CKAP4: variants seen among roughly 807,000 people sequenced by gnomAD.
CKAP4 encodes the protein cytoskeleton-associated protein 4.
CKAP4 carries 20 observed loss-of-function variants against 24.4 expected under a neutral mutation model. The observed-to-expected ratio is 0.82, with a 90% confidence interval of 0.58 to 1.19. CKAP4 has a LOEUF of 1.19. Ranked by LOEUF, CKAP4 falls within the 50% of genes most tolerant of loss-of-function variation. The pLI is 0.00. For synonymous variants in CKAP4, 378 were observed against 351.7 expected, an observed-to-expected ratio of 1.07 and a Z score of -0.84; for missense variants, 744 against 765.3, an observed-to-expected ratio of 0.97 and a Z score of 0.33.
At position 106,247,301 on chromosome 12, in the gene CKAP4, G is replaced by A; in HGVS notation, c.483+68C>T. ...GCGCTAGGGGCCGGTCGGGAAGCACGAAGGAGCCCGGCCGTGGGTCCGGAG... is the reference window on the plus strand; with the variant it reads ...GCGCTAGGGGCCGGTCGGGAAGCACAAAGGAGCCCGGCCGTGGGTCCGGAG... On this transcript the variant is annotated intron_variant, in intron 1 of 1. Coordinates refer to ENST00000378026, the MANE Select transcript of CKAP4 (RefSeq NM_006825.4). This position sits in a 1 kb window ranked among gnomAD's most constrained non-coding sequence, Gnocchi z 4.5. 7.2e-7 allele frequency: 1 copy of A among 1,396,822 alleles called. No homozygotes were observed. The highest frequency in any genetic ancestry group is 2.3e-5 in the Admixed American group (1 of 44,388). 86.5% of individuals were successfully genotyped at this position (1,396,822 alleles called of 1,614,324 possible).
In CKAP4 at chr12:106,247,516, G is replaced by T; in HGVS notation, c.336C>A (p.Phe112Leu). Reference sequence around the variant, plus strand: ...CGGCCGCCGCCACCAGGGCGAGGTAGAAGAGAAAGTTGAGCGCCCTGCCGA... The same window carrying T: ...CGGCCGCCGCCACCAGGGCGAGGTATAAGAGAAAGTTGAGCGCCCTGCCGA... ...RRLGRALNFL[F>L]YLALVAAAAF... is the part of the protein sequence containing the mutation. Residue 112 changes from phenylalanine (F) to leucine (L), a missense_variant, in exon 1 of 2, where the codon TTC (phenylalanine) becomes TTA (leucine). Coordinates refer to ENST00000378026, the MANE Select transcript of CKAP4 (RefSeq NM_006825.4). This position sits in a 1 kb window ranked among gnomAD's most constrained non-coding sequence, Gnocchi z 4.5. The T allele has an allele frequency of 3.9e-6, 6 of 1,538,546 alleles. No individual in the cohort carries two copies. The highest frequency in any genetic ancestry group is 1.8e-4 in the Middle Eastern group (1 of 5,582).
Position 106,238,842 on chromosome 12 carries a change from C to A in CKAP4, c.*182G>T. The A allele has an allele frequency of 1.5e-6, 1 of 687,518 alleles. No individual in the cohort carries two copies. Among genetic ancestry groups the A allele is most frequent in the South Asian group, 1.9e-5 (1 of 52,810 alleles). The allele number at this position is 687,518 out of a possible 1,614,324, so 42.6% of individuals were successfully genotyped here. A position where few individuals can be genotyped will look rare whatever the true frequency, so the allele number is the denominator to read the frequency against. On this transcript the variant is annotated 3_prime_UTR_variant, in exon 2 of 2. Transcript: ENST00000378026. The stretch of plus-strand genomic sequence containing the variant: ...ACCAACCAAATGCAGAAGCAGAGAA[C>A]TTAAATATTGTAAATAAGTTAACTG...
chr12:106,243,303 C>T (rs543667427), intron 1 of CKAP4, among the ~76,000 whole-genome samples: 2 of 152,328 alleles, frequency 1.3e-5, no homozygotes, highest in African/African-American at 4.8e-5. Context: ...TAGGCTCAAA[C>T]GTTAAAATCC....
At chr12:106,240,487 TC>T in intron 1 of CKAP4, 138 bp from the exon 2 acceptor site, 1 of 951,056 alleles carries the variant, frequency 1.1e-6, no homozygotes, top group Non-Finnish European at 1.5e-6. Flanking sequence ...GAAACATCCT[TC>T]CACATATAGT....
chr12:106,239,445 G>A lies in CKAP4; in HGVS notation c.1388C>T (p.Ala463Val). The change falls in exon 2 of 2, where the codon GCA becomes GTA. Residue 463 changes from alanine to valine, a missense_variant. Physicochemically the swap from Ala to Val is moderately conservative, Grantham distance 64. Coordinates refer to ENST00000378026, the MANE Select transcript of CKAP4 (RefSeq NM_006825.4). This position sits in a 1 kb window ranked among gnomAD's most constrained non-coding sequence, Gnocchi z 4.9. The part of the protein sequence containing the change: ...GRLEGLGSSE[A>V]DQDGLASTVR... The stretch of plus-strand genomic sequence containing the variant: ...CGTGCTGGCCAGGCCATCCTGGTCT[G>A]CCTCTGAGGACCCGAGGCCTTCCAG... 2 of 1,602,662 alleles carry A rather than the reference G, an allele frequency of 1.2e-6. No individual in the cohort carries two copies. Among genetic ancestry groups the A allele is most frequent in the Non-Finnish European group, 1.7e-6 (2 of 1,179,594 alleles).
rs1592899301 is a variant in CKAP4 at position 106,247,418 on chromosome 12, G to T, written c.434C>A (p.Ser145Tyr). Reference protein sequence around the residue: ...QQVRRSHQDFSRQREELGQGL... With the variant: ...QQVRRSHQDFYRQREELGQGL... The stretch of plus-strand genomic sequence containing the variant: ...CTGGCCCAGCTCCTCCCTCTGCCGG[G>T]AGAAGTCCTGGTGGCTGCGCCGGAC... Residue 145 changes from serine (S) to tyrosine (Y), a missense_variant, in exon 1 of 2, where the codon TCC (serine) becomes TAC (tyrosine). Ser to Tyr is a moderately radical substitution (Grantham distance 144). Coordinates refer to ENST00000378026, the MANE Select transcript of CKAP4 (RefSeq NM_006825.4). This position sits in a 1 kb window ranked among gnomAD's most constrained non-coding sequence, Gnocchi z 4.5. The T allele has an allele frequency of 4.5e-6, 7 of 1,544,434 alleles. No individual in the cohort carries two copies. The highest frequency in any genetic ancestry group is 5.2e-6 in the Non-Finnish European group (6 of 1,147,272).
Position 106,247,093 on chromosome 12 carries a change from C to A in CKAP4, c.483+276G>T, listed in dbSNP as rs1397828703. 11 of 404,190 alleles carry A rather than the reference C, an allele frequency of 2.7e-5. No individual in the cohort carries two copies. Among genetic ancestry groups the A allele is most frequent in the Admixed American group, 8.9e-5 (2 of 22,454 alleles). 25.0% of individuals were successfully genotyped at this position (404,190 alleles called of 1,614,324 possible). On this transcript the variant is annotated intron_variant, in intron 1 of 1. Transcript: ENST00000378026. This position sits in a 1 kb window ranked among gnomAD's most constrained non-coding sequence, Gnocchi z 4.5. ...TGCCCTGTGACAGGCCCTTGGCCCA[C>A]CCTGCCAGGCGGGCCTGGGCATCCT... is the stretch of plus-strand genomic sequence containing the variant.
rs1474398020 is a variant in CKAP4 at position 106,247,265 on chromosome 12, C to G, written c.483+104G>C. ...GAGCGGCCGGCTCCCGCCTCCGGGC[C>G]TGGGCAGGCAGCGCTAGGGGCCGGT... On this transcript the variant is annotated intron_variant, in intron 1 of 1. Coordinates refer to ENST00000378026, the MANE Select transcript of CKAP4 (RefSeq NM_006825.4). This position sits in a 1 kb window ranked among gnomAD's most constrained non-coding sequence, Gnocchi z 4.5. 5.6e-6 allele frequency: 6 copies of G among 1,072,296 alleles called. No individual in the cohort carries two copies. The East Asian group carries it at 1.9e-4, about 33-fold the overall frequency. 66.4% of individuals were successfully genotyped at this position (1,072,296 alleles called of 1,614,324 possible).
rs2033927474 is a variant in CKAP4, at chr12:106,238,282, G to A, written c.*742C>T. ...CCCCTTTCTGGTAGTCGAAACCTGT[G>A]CATTCCTTGGTGACCTCCGGAGAGA... On this transcript the variant is annotated 3_prime_UTR_variant, in exon 2 of 2. Coordinates refer to ENST00000378026, the MANE Select transcript of CKAP4 (RefSeq NM_006825.4). The A allele has an allele frequency of 6.5e-6, 1 of 152,694 alleles. No individual in the cohort carries two copies. The highest frequency in any genetic ancestry group is 1.5e-5 in the Non-Finnish European group (1 of 68,126). 9.5% of individuals were successfully genotyped at this position (152,694 alleles called of 1,614,324 possible).
intron 1 of CKAP4, among the ~76,000 whole-genome samples, chr12:106,241,621 C>T (rs904829309): frequency 2.6e-5 from 4 of 152,214 alleles, no homozygotes; most frequent in Non-Finnish European, 5.9e-5. Context: ...GCGTGAGCCA[C>T]CGCGCCTGGC....
chr12:106,241,580 G>A lies in CKAP4; in HGVS notation c.484-1231C>T, dbSNP rs560291554. ...GATCTCCTGACCTCGTGATCCGCCC[G>A]CCTCGGCCTCCCAAAGTGCTGGGAT... is the stretch of plus-strand genomic sequence containing the variant. On this transcript the variant is annotated intron_variant, in intron 1 of 1. Coordinates refer to ENST00000378026, the MANE Select transcript of CKAP4 (RefSeq NM_006825.4). Among the ~76,000 whole-genome samples the A allele has an allele frequency of 8.4e-4, 128 of 152,156 alleles. 2 individuals are homozygous for A. In the South Asian group the frequency reaches 0.013, roughly 15 times the overall value.
intron 1 of CKAP4, 109 bp from the exon 2 acceptor site, chr12:106,240,458 AC>A: frequency 7.9e-7 from 1 of 1,266,060 alleles, no homozygotes; most frequent in Non-Finnish European, 1.1e-6. Flanking sequence ...CCAGAATGTC[AC>A]CACAATTTTC....
chr12:106,247,631 C>T lies in CKAP4; in HGVS notation c.221G>A (p.Gly74Asp). Residue 74 changes from glycine to aspartate, a missense_variant, in exon 1 of 2, where the codon GGC becomes GAC. This residue lies in a region of CKAP4 where 300 missense variants were observed against 264.5 expected (regional missense o/e 1.13). Coordinates refer to ENST00000378026, the MANE Select transcript of CKAP4 (RefSeq NM_006825.4). This position sits in a 1 kb window ranked among gnomAD's most constrained non-coding sequence, Gnocchi z 4.5. ...GGAGGAGGAGGACTTGCCGCCGCCG[C>T]CGCCGCCGCCGCGGTGGCCGCCCTT... The part of the protein sequence containing the change: ...HGKGGHRGGG[G>D]GGGKSSSSSS... 9.2e-7 allele frequency: 1 copy of T among 1,082,872 alleles called. No individual in the cohort carries two copies. The highest frequency in any genetic ancestry group is 1.2e-6 in the Non-Finnish European group (1 of 855,954). The allele number at this position is 1,082,872 out of a possible 1,614,324, so 67.1% of individuals were successfully genotyped here.
At chr12:106,240,732 C>T (rs2136534609) in intron 1 of CKAP4, among the ~76,000 whole-genome samples, 1 of 151,706 alleles carries the variant, frequency 6.6e-6, no homozygotes, top group Non-Finnish European at 1.5e-5. Flanking sequence ...CTATCAAGTC[C>T]CCATCATGCA....
Position 106,239,933 on chromosome 12 carries a change from G to A in CKAP4, c.900C>T (p.Ala300=). The A allele has an allele frequency of 6.2e-7, 1 of 1,614,130 alleles. No homozygotes were observed. The highest frequency in any genetic ancestry group is 2.2e-5 in the East Asian group (1 of 44,860). The change falls in exon 2 of 2, where the codon GCC becomes GCT. Residue 300 remains alanine (A), a synonymous_variant. Coordinates refer to ENST00000378026, the MANE Select transcript of CKAP4 (RefSeq NM_006825.4). This position sits in a 1 kb window ranked among gnomAD's most constrained non-coding sequence, Gnocchi z 4.9. ...CCTCCATGTCCCACTCTCTGGACTT[G>A]GCTGAGGTCTGTATCTCCTTCACAG... ...KEAVKEIQTS[A]KSREWDMEAL...
In CKAP4 at chr12:106,238,949, A is replaced by T; in HGVS notation, c.*75T>A. The T allele has an allele frequency of 6.5e-7, 1 of 1,527,668 alleles. No individual in the cohort carries two copies. 94.6% of individuals were successfully genotyped at this position (1,527,668 alleles called of 1,614,324 possible). ...GACAAGAAATTGGGGGGTAGGGGAC[A>T]CATGGGAAAAAACCACACATTTTTT... On this transcript the variant is annotated 3_prime_UTR_variant, in exon 2 of 2. Coordinates refer to ENST00000378026, the MANE Select transcript of CKAP4 (RefSeq NM_006825.4).
In CKAP4 at chr12:106,239,882, C is replaced by T. The variant is rs1181758140; in HGVS notation, c.951G>A (p.Met317Ile). The change falls in exon 2 of 2, where the codon ATG becomes ATA. Residue 317 changes from methionine to isoleucine, a missense_variant. Met to Ile is a conservative substitution (Grantham distance 10). Around this residue, in one of 3 missense-constraint regions of CKAP4, gnomAD observed 401 missense variants for 424.5 expected, o/e 0.94. Transcript: ENST00000378026. The surrounding 1 kb of genome is among the most constrained non-coding windows in gnomAD (Gnocchi z 4.9). ...MEALRSTLQT[M>I]ESDIYTEVRE... The stretch of plus-strand genomic sequence containing the variant: ...GGACCTCGGTGTAGATGTCAGACTC[C>T]ATAGTCTGAAGGGTACTTCTCAGGG... 1 of 1,613,934 alleles carries T rather than the reference C, an allele frequency of 6.2e-7. No homozygotes were observed. Among genetic ancestry groups the T allele is most frequent in the African/African-American group, 1.3e-5 (1 of 74,880 alleles).
At chr12:106,241,024 T>C (rs992746814) in intron 1 of CKAP4, among the ~76,000 whole-genome samples, 6 of 143,476 alleles carry the variant, frequency 4.2e-5, no homozygotes, top group East Asian at 1.9e-4. Context: ...AGGTGACAGG[T>C]TGCCTTGAGC....
intron 1 of CKAP4, among the ~76,000 whole-genome samples, chr12:106,245,412 A>C (rs77377385): frequency 0.011 from 1,733 of 152,248 alleles, 41 homozygotes; most frequent in African/African-American, 0.04. Flanking sequence ...AAGTAGGAGG[A>C]TGAAAGAGAA....
Sources: gnomAD v4.1 joint callset for allele counts (sites outside exome capture counted in the v4.1 genomes callset) on GRCh38, gnomAD v4.1.1 for gene constraint, gnomAD v4.1.1 regional missense constraint, Gnocchi (gnomAD v3.1) non-coding constraint, MANE v1.5 for transcripts, NCBI Gene and HGNC (gene_info 2026-07-23, HGNC 2026-07-21) for gene names.